ZMAT4: variants seen among roughly 807,000 people sequenced by gnomAD.
The protein encoded by ZMAT4 is zinc finger matrin-type 4.
In ZMAT4, 17 loss-of-function variants were observed where a neutral mutation model predicts 28.7. That is an observed-to-expected ratio of 0.59 (90% CI 0.41 to 0.89). The LOEUF is 0.89. Among genes scored for constraint, ZMAT4 ranks in the 40% least tolerant of loss-of-function variants. ZMAT4 has a pLI of 0.00. For missense variants in ZMAT4, 240 were observed against 283.8 expected (o/e 0.85, Z 1.11); for synonymous variants, 117 against 109.2 (o/e 1.07, Z -0.44).
At chr8:40,859,797 GA>G (rs139751403) in intron 1 of ZMAT4, among the ~76,000 whole-genome samples, 4,202 of 148,732 alleles carry the variant, frequency 0.028, 105 homozygotes, top group Admixed American at 0.071. Context: ...GGGGTGAGTG[GA>G]AAAAAAAAAG....
At chr8:40,858,151 C>G (rs1563531371) in intron 1 of ZMAT4, among the ~76,000 whole-genome samples, 2 of 152,102 alleles carry the variant, frequency 1.3e-5, no homozygotes, top group Non-Finnish European at 1.5e-5. Flanking sequence ...TAAAATAGAC[C>G]TCAATACTTT....
chr8:40,802,740 G>A (rs186733004), intron 2 of ZMAT4, among the ~76,000 whole-genome samples: 1 of 152,236 alleles, frequency 6.6e-6, no homozygotes, highest in East Asian at 1.9e-4. Flanking sequence ...AGTTTAGACA[G>A]AGAGGCAAAA....
Position 40,763,084 on chromosome 8 carries a change from G to A in ZMAT4, c.192+4557C>T, listed in dbSNP as rs544216825. Among the ~76,000 whole-genome samples, 7 of 152,230 alleles carry A rather than the reference G, an allele frequency of 4.6e-5. No individual in the cohort carries two copies. In the East Asian group the frequency reaches 7.7e-4, roughly 17 times the overall value. ...CCAGGAAAACTTATCTAGCCCCATC[G>A]TATCAGGAGAGGCCAGGGACCCTTC... On this transcript the variant is annotated intron_variant, in intron 3 of 6. Coordinates refer to ENST00000297737, the MANE Select transcript of ZMAT4 (RefSeq NM_024645.3).
At chr8:40,617,766 C>T (rs969613218) in intron 5 of ZMAT4, among the ~76,000 whole-genome samples, 1 of 152,146 alleles carries the variant, frequency 6.6e-6, no homozygotes, top group African/African-American at 2.4e-5. Context: ...AACCACATAA[C>T]AAAAGATGAT....
intron 1 of ZMAT4, among the ~76,000 whole-genome samples, chr8:40,834,993 G>A (rs759181247): frequency 2.6e-5 from 4 of 152,228 alleles, no homozygotes; most frequent in Non-Finnish European, 4.4e-5. Context: ...TGATGGGTCC[G>A]GGCAGCATGA....
At chr8:40,729,582 C>CTTCT (rs138234442) in intron 3 of ZMAT4, among the ~76,000 whole-genome samples, 57,739 of 139,712 alleles carry the variant, frequency 0.41, 12,372 homozygotes, top group South Asian at 0.5. Context: ...TCTTTGTATA[C>CTTCT]TTCTTTCTTT....
At chr8:40,853,192 T>C (rs968107656) in intron 1 of ZMAT4, among the ~76,000 whole-genome samples, 1 of 152,220 alleles carries the variant, frequency 6.6e-6, no homozygotes, top group Non-Finnish European at 1.5e-5. Flanking sequence ...AGAAGTCCTT[T>C]ATGTATGCTT....
At position 40,859,481 on chromosome 8, in the gene ZMAT4, C is replaced by A. The variant is rs144370016; in HGVS notation, c.-4-33801G>T. ...GCACACACACACACACATGCACACA[C>A]ACACACACCCCTTAAGGATTCTGAG... On this transcript the variant is annotated intron_variant, in intron 1 of 6. Coordinates refer to ENST00000297737, the MANE Select transcript of ZMAT4 (RefSeq NM_024645.3). 5.7e-3 allele frequency among the ~76,000 whole-genome samples: 869 copies of A among 152,272 alleles called. 4 individuals carry two copies. Among genetic ancestry groups the A allele is most frequent in the African/African-American group, 0.02 (823 of 41,538 alleles).
At chr8:40,809,131 G>A (rs541944365) in intron 2 of ZMAT4, among the ~76,000 whole-genome samples, 1 of 152,200 alleles carries the variant, frequency 6.6e-6, no homozygotes, top group South Asian at 2.1e-4. Context: ...CCATAAAAAA[G>A]AAAAAATTGT....
intron 2 of ZMAT4, among the ~76,000 whole-genome samples, chr8:40,781,989 C>T (rs1813854948): frequency 6.6e-6 from 1 of 152,066 alleles, no homozygotes. Flanking sequence ...CTATAAAAGC[C>T]TTTGAATATT....
intron 6 of ZMAT4, among the ~76,000 whole-genome samples, 173 bp from the exon 7 acceptor site, chr8:40,532,411 A>G (rs974035807): frequency 9.5e-5 from 5 of 52,862 alleles, no homozygotes; most frequent in African/African-American, 6.4e-4. Flanking sequence ...TAACCTGTAT[A>G]TATAAAATAT....
chr8:40,717,651 A>G (rs1257100318), intron 3 of ZMAT4, among the ~76,000 whole-genome samples: 2 of 152,090 alleles, frequency 1.3e-5, no homozygotes, highest in East Asian at 3.8e-4. Context: ...ACAGAGCAAG[A>G]CTCTGTCTCT....
rs953900111 is a variant in ZMAT4 at position 40,537,297 on chromosome 8, A to T, written c.675-5059T>A. 1.3e-5 allele frequency among the ~76,000 whole-genome samples: 2 copies of T among 152,226 alleles called. 1 individual carries two copies. The highest frequency in any genetic ancestry group is 2.9e-5 in the Non-Finnish European group (2 of 68,028). On this transcript the variant is annotated intron_variant, in intron 6 of 6. Coordinates refer to ENST00000297737, the MANE Select transcript of ZMAT4 (RefSeq NM_024645.3). ...TTGACACCTCTGAGATCTGATGAAC[A>T]TAACAATTTATCCAAAACCTTCTTG...
At chr8:40,678,211 T>C (rs1336993518) in intron 4 of ZMAT4, among the ~76,000 whole-genome samples, 2 of 152,220 alleles carry the variant, frequency 1.3e-5, no homozygotes, top group Non-Finnish European at 2.9e-5. Flanking sequence ...CTAGTTTTGC[T>C]GTAGGCAATA....
At chr8:40,567,961 G>GTGTA (rs1803975670) in intron 6 of ZMAT4, among the ~76,000 whole-genome samples, 1 of 152,070 alleles carries the variant, frequency 6.6e-6, no homozygotes. Context: ...TGAGTAGGCA[G>GTGTA]TGTATATATG....
chr8:40,614,436 T>G lies in ZMAT4; in HGVS notation c.578-33175A>C, dbSNP rs543432910. Among the ~76,000 whole-genome samples, 12 of 152,318 alleles carry G rather than the reference T, an allele frequency of 7.9e-5. No homozygotes were observed. The South Asian group carries it at 2.5e-3, about 32-fold the overall frequency. On this transcript the variant is annotated intron_variant, in intron 5 of 6. Coordinates refer to ENST00000297737, the MANE Select transcript of ZMAT4 (RefSeq NM_024645.3). ...GGTGGAGAGTTCTGTAGATGTCTAT[T>G]AGGTCTGCTTGGTGCAGAGCTGAGT...
At chr8:40,760,232 G>A (rs561685852) in intron 3 of ZMAT4, among the ~76,000 whole-genome samples, 3 of 152,228 alleles carry the variant, frequency 2.0e-5, no homozygotes, top group South Asian at 2.1e-4. Flanking sequence ...CCTTCTAGCC[G>A]TGCTTTACTT....
intron 2 of ZMAT4, among the ~76,000 whole-genome samples, chr8:40,795,878 T>C (rs1374606156): frequency 6.6e-6 from 1 of 152,224 alleles, no homozygotes; most frequent in African/African-American, 2.4e-5. Context: ...TTTTGGTCCC[T>C]TCCTGTTACA....
At chr8:40,673,528 A>G (rs1026798621) in intron 5 of ZMAT4, among the ~76,000 whole-genome samples, 1 of 152,184 alleles carries the variant, frequency 6.6e-6, no homozygotes, top group Non-Finnish European at 1.5e-5. Context: ...ACAAAAGCTC[A>G]TCAAACTTAC....
Sources: allele counts gnomAD v4.1 joint callset (sites outside exome capture counted in the v4.1 genomes callset), GRCh38; gene constraint gnomAD v4.1.1; transcripts MANE v1.5; gene names NCBI Gene and HGNC (gene_info 2026-07-23, HGNC 2026-07-21).